The following GMDS variants were observed in gnomAD, a reference collection of about 807,000 sequenced individuals.
GMDS encodes the protein GDP-mannose 4,6-dehydratase.
GMDS carries 20 observed loss-of-function variants against 49.9 expected under a neutral mutation model. The observed-to-expected ratio is 0.40, with a 90% CI of 0.28 to 0.58. The LOEUF (loss-of-function observed/expected upper bound fraction) is 0.58, where lower values mean the gene tolerates loss of function less well. Ranked by LOEUF, GMDS falls within the 20% of genes least tolerant of loss-of-function variation. GMDS has a pLI of 0.42. For synonymous variants in GMDS, 177 were observed against 178.6 expected (o/e 0.99, Z 0.07); for missense variants, 362 against 481.4 (o/e 0.75, Z 2.32).
At chr6:2,033,213 T>C (rs1399258634) in intron 4 of GMDS, among the ~76,000 whole-genome samples, 1 of 152,184 alleles carries the variant, frequency 6.6e-6, no homozygotes, top group Non-Finnish European at 1.5e-5. Flanking sequence ...AATAATGCAA[T>C]GATTCATTAA....
rs1001707460 is a variant in GMDS, at chr6:1,785,283, G to A, written c.772-42697C>T. ...TGTGCTCTTAATAAATCTTCAGCAT[G>A]GAATGTAAAAAATAAAAAAGAGCTC... is the stretch of plus-strand genomic sequence containing the variant. On this transcript the variant is annotated intron_variant, in intron 7 of 10. Transcript: ENST00000380815. Among the ~76,000 whole-genome samples the A allele has an allele frequency of 3.9e-5, 6 of 152,100 alleles. No homozygotes were observed. The East Asian group carries it at 1.2e-3, about 29-fold the overall frequency.
intron 4 of GMDS, among the ~76,000 whole-genome samples, chr6:2,032,595 TA>T (rs1769035484): frequency 6.6e-6 from 1 of 152,218 alleles, no homozygotes; most frequent in Admixed American, 6.5e-5. Context: ...AGTATTGTTT[TA>T]GGTTCTTGGG....
intron 7 of GMDS, among the ~76,000 whole-genome samples, chr6:1,751,710 T>C (rs993563687): frequency 6.6e-6 from 1 of 152,188 alleles, no homozygotes; most frequent in African/African-American, 2.4e-5. Context: ...GCCAGGATGG[T>C]CTTGATCTCC....
intron 4 of GMDS, among the ~76,000 whole-genome samples, chr6:2,075,053 T>A (rs1281880709): frequency 6.6e-6 from 1 of 152,200 alleles, no homozygotes; most frequent in Non-Finnish European, 1.5e-5. Flanking sequence ...AGTCTTGAAA[T>A]ATATTTTGAG....
chr6:1,817,424 T>C (rs1381888634), intron 7 of GMDS, among the ~76,000 whole-genome samples: 2 of 152,212 alleles, frequency 1.3e-5, no homozygotes, highest in African/African-American at 2.4e-5. Context: ...GGTTCTGAAA[T>C]TGAGTTTCTA....
intron 7 of GMDS, among the ~76,000 whole-genome samples, chr6:1,804,989 A>G (rs1186024806): frequency 1.3e-5 from 2 of 152,204 alleles, no homozygotes; most frequent in Non-Finnish European, 2.9e-5. Flanking sequence ...AAAGAAGTTG[A>G]GTGGCTTTCT....
intron 4 of GMDS, among the ~76,000 whole-genome samples, chr6:2,003,057 T>C (rs1342803969): frequency 6.6e-6 from 1 of 152,192 alleles, no homozygotes; most frequent in Non-Finnish European, 1.5e-5. Flanking sequence ...CAAGATCATC[T>C]TCTATAATAG....
At chr6:1,688,957 T>G (rs1375785170) in intron 9 of GMDS, among the ~76,000 whole-genome samples, 2 of 152,326 alleles carry the variant, frequency 1.3e-5, no homozygotes, top group African/African-American at 4.8e-5. Context: ...CATTAGAGAA[T>G]GCAGATGTGG....
At chr6:2,115,399 G>C (rs929577065) in intron 4 of GMDS, among the ~76,000 whole-genome samples, 1 of 152,166 alleles carries the variant, frequency 6.6e-6, no homozygotes. Context: ...ACCAAAAATT[G>C]ATATTAACAT....
intron 9 of GMDS, among the ~76,000 whole-genome samples, chr6:1,667,982 A>C (rs1309814048): frequency 6.6e-6 from 1 of 152,200 alleles, no homozygotes; most frequent in East Asian, 1.9e-4. Context: ...TGCGGCTGAC[A>C]TCCCGGGAGT....
chr6:1,810,784 A>G (rs1283142377), intron 7 of GMDS, among the ~76,000 whole-genome samples: 1 of 152,246 alleles, frequency 6.6e-6, no homozygotes, highest in Non-Finnish European at 1.5e-5. Flanking sequence ...ATTGGCATTT[A>G]GAACGATTAT....
intron 7 of GMDS, among the ~76,000 whole-genome samples, chr6:1,899,512 C>A (rs975835964): frequency 1.3e-5 from 2 of 152,174 alleles, no homozygotes; most frequent in Non-Finnish European, 2.9e-5. Flanking sequence ...AGAGAGAAGA[C>A]CTTCGTCAAG....
chr6:1,795,809 C>T (rs1040194689), intron 7 of GMDS, among the ~76,000 whole-genome samples: 4 of 152,270 alleles, frequency 2.6e-5, no homozygotes, highest in South Asian at 2.1e-4. Flanking sequence ...TAAACATCTC[C>T]TTAATTTTAA....
chr6:1,693,006 T>A (rs933937539), intron 9 of GMDS, among the ~76,000 whole-genome samples: 4 of 152,222 alleles, frequency 2.6e-5, no homozygotes, highest in African/African-American at 9.6e-5. Flanking sequence ...ACTCTTGAAC[T>A]TCGTTTCTGG....
chr6:1,641,901 C>G (rs1356115526), intron 9 of GMDS, among the ~76,000 whole-genome samples: 1 of 152,210 alleles, frequency 6.6e-6, no homozygotes, highest in African/African-American at 2.4e-5. Context: ...AATACCCCAA[C>G]AACTCGGCAC....
intron 7 of GMDS, among the ~76,000 whole-genome samples, chr6:1,888,454 C>T (rs1028388472): frequency 2.0e-5 from 3 of 152,032 alleles, no homozygotes; most frequent in South Asian, 2.1e-4. Context: ...CACTCACTAT[C>T]GAAAGAACAC....
intron 1 of GMDS, among the ~76,000 whole-genome samples, chr6:2,142,332 G>A (rs902254875): frequency 2.6e-5 from 4 of 152,106 alleles, no homozygotes; most frequent in African/African-American, 9.7e-5. Context: ...GTTAGTTGGA[G>A]ATACGGTTGG....
chr6:1,652,404 ATATAT>A (rs796669609), intron 9 of GMDS, among the ~76,000 whole-genome samples: 6,563 of 10,864 alleles, frequency 0.6, 2,050 homozygotes, highest in East Asian at 0.76. Context: ...ATATATATAT[ATATAT>A]TATATATAAT....
At chr6:1,827,155 A>ACG (rs745487901) in intron 7 of GMDS, among the ~76,000 whole-genome samples, 2 of 148,650 alleles carry the variant, frequency 1.3e-5, no homozygotes, top group Non-Finnish European at 3.0e-5. Flanking sequence ...ATATATATGC[A>ACG]CACACACACA....
Sources: gnomAD v4.1 joint callset for allele counts (sites outside exome capture counted in the v4.1 genomes callset) on GRCh38, gnomAD v4.1.1 for gene constraint, MANE v1.5 for transcripts, NCBI Gene and HGNC (gene_info 2026-07-23, HGNC 2026-07-21) for gene names.